RCAN2: variants seen among roughly 807,000 people sequenced by gnomAD.
RCAN2 encodes calcipressin-2.
Under a neutral mutation model 23.6 loss-of-function variants are expected in RCAN2, and 9 were observed. The observed-to-expected ratio is 0.38, with a 90% CI of 0.23 to 0.67. The LOEUF is 0.67. Ranked by LOEUF, RCAN2 falls within the 30% of genes least tolerant of loss-of-function variation. The pLI is 0.51. For synonymous variants in RCAN2, 109 were observed against 115.7 expected (o/e 0.94, Z 0.37); for missense variants, 273 against 302.3 (o/e 0.90, Z 0.72).
chr6:46,254,646 T>C (rs903538360), intron 2 of RCAN2, among the ~76,000 whole-genome samples: 1 of 152,094 alleles, frequency 6.6e-6, no homozygotes, highest in African/African-American at 2.4e-5. Context: ...GAAACACTTA[T>C]TGGCTGAAGA....
intron 2 of RCAN2, among the ~76,000 whole-genome samples, chr6:46,287,958 C>T (rs1762425313): frequency 6.6e-6 from 1 of 152,198 alleles, no homozygotes; most frequent in South Asian, 2.1e-4. Context: ...AATAATACGA[C>T]CCGAGGATAT....
At chr6:46,286,397 T>G (rs1329425955) in intron 2 of RCAN2, among the ~76,000 whole-genome samples, 1 of 152,232 alleles carries the variant, frequency 6.6e-6, no homozygotes, top group African/African-American at 2.4e-5. Flanking sequence ...GTTTTTCTTT[T>G]CACACTATTA....
chr6:46,229,638 C>A (rs1376936757), intron 4 of RCAN2, among the ~76,000 whole-genome samples: 1 of 152,176 alleles, frequency 6.6e-6, no homozygotes, highest in Non-Finnish European at 1.5e-5. Context: ...TTAACGTCTT[C>A]TCTATGCTGT....
chr6:46,268,518 G>A (rs942280965), intron 2 of RCAN2, among the ~76,000 whole-genome samples: 1 of 152,068 alleles, frequency 6.6e-6, no homozygotes, highest in African/African-American at 2.4e-5. Context: ...CCTCTTTCTT[G>A]GAGTAACATT....
intron 2 of RCAN2, among the ~76,000 whole-genome samples, chr6:46,426,876 C>T (rs775835201): frequency 6.6e-6 from 1 of 152,136 alleles, no homozygotes; most frequent in African/African-American, 2.4e-5. Context: ...GAGATTTGAA[C>T]TCTGGCAGAC....
At chr6:46,295,960 T>G (rs976312454) in intron 2 of RCAN2, among the ~76,000 whole-genome samples, 1 of 142,682 alleles carries the variant, frequency 7.0e-6, no homozygotes, top group Non-Finnish European at 1.6e-5. Context: ...TGAGCAAACT[T>G]TTTTTTTTTT....
intron 2 of RCAN2, among the ~76,000 whole-genome samples, chr6:46,257,921 T>C (rs974513641): frequency 6.6e-6 from 1 of 152,204 alleles, no homozygotes; most frequent in Admixed American, 6.5e-5. Flanking sequence ...GAAAACCAGC[T>C]TTCCTTGTCA....
chr6:46,339,101 C>T (rs1218827934), intron 2 of RCAN2, among the ~76,000 whole-genome samples: 1 of 151,450 alleles, frequency 6.6e-6, no homozygotes, highest in African/African-American at 2.4e-5. Context: ...CCATCCACCA[C>T]CCACCCATCC....
At chr6:46,226,920 G>T (rs1165415087) in intron 4 of RCAN2, among the ~76,000 whole-genome samples, 3 of 152,112 alleles carry the variant, frequency 2.0e-5, no homozygotes, top group African/African-American at 4.8e-5. Flanking sequence ...TTAGCTGTGG[G>T]TTTGTCATAA....
At chr6:46,270,106 A>T (rs1767475968) in intron 2 of RCAN2, among the ~76,000 whole-genome samples, 1 of 152,078 alleles carries the variant, frequency 6.6e-6, no homozygotes, top group African/African-American at 2.4e-5. Context: ...TACACCCTGG[A>T]TGGGAAGACT....
intron 4 of RCAN2, among the ~76,000 whole-genome samples, chr6:46,224,861 CA>C (rs1228105346): frequency 6.6e-6 from 1 of 151,794 alleles, no homozygotes; most frequent in Non-Finnish European, 1.5e-5. Flanking sequence ...CATATGTATA[CA>C]TGTGCCATGT....
chr6:46,472,726 G>C (rs1405065370), intron 1 of RCAN2, among the ~76,000 whole-genome samples: 2 of 152,164 alleles, frequency 1.3e-5, no homozygotes, highest in African/African-American at 4.8e-5. Flanking sequence ...TACAGACTAA[G>C]TAGAATTTCT....
At chr6:46,382,843 C>A (rs568014598) in intron 2 of RCAN2, among the ~76,000 whole-genome samples, 1 of 152,132 alleles carries the variant, frequency 6.6e-6, no homozygotes, top group Non-Finnish European at 1.5e-5. Flanking sequence ...AAACATGTAG[C>A]CTGGGAAAAA....
chr6:46,302,804 A>C (rs1197690781), intron 2 of RCAN2, among the ~76,000 whole-genome samples: 1 of 151,998 alleles, frequency 6.6e-6, no homozygotes, highest in Non-Finnish European at 1.5e-5. Context: ...TATAGATTTT[A>C]TCTCATTTAG....
intron 4 of RCAN2, among the ~76,000 whole-genome samples, chr6:46,231,281 C>T (rs1765877927): frequency 6.6e-6 from 1 of 152,166 alleles, no homozygotes; most frequent in South Asian, 2.1e-4. Flanking sequence ...AAAGCTACGA[C>T]AGGCCAGGAA....
chr6:46,276,083 G>A (rs1370511927), intron 2 of RCAN2, among the ~76,000 whole-genome samples: 3 of 152,164 alleles, frequency 2.0e-5, no homozygotes, highest in African/African-American at 7.2e-5. Context: ...GTGTGCACCT[G>A]TAGTGCCAGC....
At chr6:46,342,492 C>T (rs1764354020) in intron 2 of RCAN2, among the ~76,000 whole-genome samples, 1 of 150,336 alleles carries the variant, frequency 6.7e-6, no homozygotes, top group African/African-American at 2.4e-5. Flanking sequence ...TCCAAGGCTG[C>T]AGTGAGCTAT....
At chr6:46,478,410 T>C (rs1006706839) in intron 1 of RCAN2, among the ~76,000 whole-genome samples, 3 of 151,968 alleles carry the variant, frequency 2.0e-5, no homozygotes, top group Non-Finnish European at 4.4e-5. Flanking sequence ...ATTGAAATTG[T>C]AAATGACAGA....
At chr6:46,430,198 G>A (rs1390645078) in intron 2 of RCAN2, among the ~76,000 whole-genome samples, 1 of 152,200 alleles carries the variant, frequency 6.6e-6, no homozygotes, top group South Asian at 2.1e-4. Flanking sequence ...TGCAATAGTC[G>A]AGATGAGAGA....
Sources: allele counts gnomAD v4.1 joint callset (sites outside exome capture counted in the v4.1 genomes callset), GRCh38; gene constraint gnomAD v4.1.1; transcripts MANE v1.5; gene names NCBI Gene and HGNC (gene_info 2026-07-23, HGNC 2026-07-21).